The following RARB variants were observed in gnomAD, a reference collection of about 807,000 sequenced individuals.
The protein encoded by RARB is retinoic acid receptor beta, also known as HBV-activated protein.
A neutral mutation model predicts 51.9 loss-of-function variants in RARB; 17 were observed. The observed-to-expected ratio is 0.33, with a 90% CI of 0.22 to 0.49. The LOEUF is 0.49. Ranked by LOEUF, RARB falls within the 20% of genes least tolerant of loss-of-function variation. RARB has a pLI of 0.99. For synonymous variants in RARB, 215 were observed against 195.4 expected, an observed-to-expected ratio of 1.10 and a Z score of -0.84; for missense variants, 369 against 550.8, an observed-to-expected ratio of 0.67 and a Z score of 3.30.
chr3:24,958,266 T>TTTTTTTTG (rs1696064309), intron 2 of RARB, among the ~76,000 whole-genome samples: 3 of 120,816 alleles, frequency 2.5e-5, no homozygotes, highest in Non-Finnish European at 4.8e-5. Flanking sequence ...TTTTTTTTTT[T>TTTTTTTTG]TTTTTTTTTT....
intron 2 of RARB, among the ~76,000 whole-genome samples, chr3:25,006,528 A>T (rs1697275779): frequency 6.6e-6 from 1 of 152,314 alleles, no homozygotes; most frequent in Non-Finnish European, 1.5e-5. Context: ...GTTTGGGAAC[A>T]CGGAGACAGG....
chr3:25,378,650 TG>T (rs1432013630), intron 5 of RARB, among the ~76,000 whole-genome samples: 3 of 152,328 alleles, frequency 2.0e-5, no homozygotes, highest in South Asian at 2.1e-4. Flanking sequence ...TTAGTATCTA[TG>T]GTACCTACCC....
intron 5 of RARB, among the ~76,000 whole-genome samples, chr3:25,414,246 A>T (rs1418862355): frequency 6.6e-6 from 1 of 152,232 alleles, no homozygotes; most frequent in Non-Finnish European, 1.5e-5. Context: ...GGCATGTATC[A>T]ATAGTTCATT....
intron 2 of RARB, among the ~76,000 whole-genome samples, chr3:25,037,681 G>T (rs889862065): frequency 6.6e-6 from 1 of 152,090 alleles, no homozygotes; most frequent in African/African-American, 2.4e-5. Context: ...GAGAAAGCAA[G>T]CTGAAGAGCA....
intron 2 of RARB, among the ~76,000 whole-genome samples, chr3:25,022,446 G>A (rs1279422791): frequency 6.6e-6 from 1 of 151,992 alleles, no homozygotes; most frequent in Non-Finnish European, 1.5e-5. Flanking sequence ...TTTTATCACC[G>A]ATGCTGTTAA....
intron 2 of RARB, among the ~76,000 whole-genome samples, chr3:24,952,079 G>A (rs1165945779): frequency 1.3e-5 from 2 of 151,932 alleles, no homozygotes; most frequent in African/African-American, 4.8e-5. Context: ...TTCTTTTTTT[G>A]AAAGTAACAT....
intron 2 of RARB, among the ~76,000 whole-genome samples, chr3:24,875,090 T>G (rs752893481): frequency 6.6e-6 from 1 of 152,284 alleles, no homozygotes; most frequent in African/African-American, 2.4e-5. Context: ...TTTGGTTCTA[T>G]CTTTTTCTAA....
chr3:25,001,994 C>T (rs1465934734), intron 2 of RARB, among the ~76,000 whole-genome samples: 2 of 152,194 alleles, frequency 1.3e-5, no homozygotes, highest in African/African-American at 4.8e-5. Flanking sequence ...TGGTCTCAAA[C>T]ACCTGGGCCC....
At chr3:25,229,309 C>T (rs917157348) in intron 5 of RARB, among the ~76,000 whole-genome samples, 4 of 152,004 alleles carry the variant, frequency 2.6e-5, no homozygotes, top group African/African-American at 9.7e-5. Flanking sequence ...AGATAATATA[C>T]ATAACTTTAT....
chr3:25,495,526 G>T (rs768147315), intron 2 of RARB, among the ~76,000 whole-genome samples: 1 of 152,230 alleles, frequency 6.6e-6, no homozygotes, highest in African/African-American at 2.4e-5. Flanking sequence ...TGAGTCAGAT[G>T]TGGGCATTCC....
chr3:25,531,204 G>A (rs1698890961), intron 3 of RARB, among the ~76,000 whole-genome samples: 1 of 152,136 alleles, frequency 6.6e-6, no homozygotes, highest in South Asian at 2.1e-4. Context: ...GTTAAGGGCT[G>A]AGGGCTGCTC....
chr3:25,011,857 A>G (rs1316383060), intron 2 of RARB, among the ~76,000 whole-genome samples: 1 of 152,076 alleles, frequency 6.6e-6, no homozygotes, highest in Non-Finnish European at 1.5e-5. Context: ...TCACTAAGCC[A>G]TGGAGTTTGT....
chr3:25,417,038 T>G (rs1707723250), intron 5 of RARB, among the ~76,000 whole-genome samples: 1 of 152,144 alleles, frequency 6.6e-6, no homozygotes, highest in South Asian at 2.1e-4. Context: ...GACAGAGCTT[T>G]GGAGGCAGCC....
intron 5 of RARB, among the ~76,000 whole-genome samples, chr3:25,188,150 G>T (rs1441741903): frequency 6.6e-6 from 1 of 151,954 alleles, no homozygotes; most frequent in East Asian, 1.9e-4. Context: ...GTGGGTTTAG[G>T]ACAAATTCTA....
At chr3:25,080,516 CA>C (rs1386887349) in intron 3 of RARB, among the ~76,000 whole-genome samples, 3 of 152,190 alleles carry the variant, frequency 2.0e-5, no homozygotes, top group Admixed American at 2.0e-4. Flanking sequence ...GCAGCTATAC[CA>C]TTTTGCATTC....
chr3:25,458,738 C>T (rs571147517), intron 1 of RARB, among the ~76,000 whole-genome samples: 1 of 152,290 alleles, frequency 6.6e-6, no homozygotes, highest in East Asian at 1.9e-4. Context: ...ACCTGTACTA[C>T]TCAAATGAAT....
chr3:25,554,459 G>A (rs546601725), intron 3 of RARB, among the ~76,000 whole-genome samples: 3 of 152,120 alleles, frequency 2.0e-5, no homozygotes, highest in East Asian at 3.9e-4. Context: ...GTTTGTTGAC[G>A]TGTAGTCCTG....
chr3:25,476,844 G>C (rs1000389126), intron 2 of RARB, among the ~76,000 whole-genome samples: 2 of 152,196 alleles, frequency 1.3e-5, no homozygotes, highest in South Asian at 4.1e-4. Context: ...ACTCTTTCAT[G>C]AATAGTTTAC....
intron 4 of RARB, among the ~76,000 whole-genome samples, chr3:25,168,548 A>G (rs1700594891): frequency 6.6e-6 from 1 of 152,212 alleles, no homozygotes; most frequent in South Asian, 2.1e-4. Context: ...TAATATCCTA[A>G]AAAATATCAG....
Sources: allele counts gnomAD v4.1 joint callset (sites outside exome capture counted in the v4.1 genomes callset), GRCh38; gene constraint gnomAD v4.1.1; transcripts MANE v1.5; gene names NCBI Gene and HGNC (gene_info 2026-07-23, HGNC 2026-07-21).